The following AATF variants were observed in gnomAD, a reference collection of about 807,000 sequenced individuals.
The protein encoded by AATF is apoptosis antagonizing transcription factor.
In AATF, 48 loss-of-function variants were observed where a neutral mutation model predicts 63.7. The ratio of observed to expected loss-of-function variants is 0.75; its 90% CI spans 0.60 to 0.96. The LOEUF (loss-of-function observed/expected upper bound fraction) is 0.96. Among genes scored for constraint, AATF ranks in the 40% least tolerant of loss-of-function variants. The pLI, the probability that AATF is intolerant of heterozygous loss-of-function variation, is 0.00. For synonymous variants in AATF, 258 were observed against 247.7 expected, an observed-to-expected ratio of 1.04 and a Z score of -0.39; for missense variants, 639 against 685.7, an observed-to-expected ratio of 0.93 and a Z score of 0.76.
chr17:37,015,492 G>A (rs1274259421), intron 8 of AATF, among the ~76,000 whole-genome samples: 1 of 152,138 alleles, frequency 6.6e-6, no homozygotes, highest in African/African-American at 2.4e-5. Context: ...GGCAGAAGGT[G>A]GAAAGGCAAA....
chr17:36,968,257 TCTTTCCTTCTTTC>T (rs2071008568), intron 4 of AATF, among the ~76,000 whole-genome samples: 1 of 140,660 alleles, frequency 7.1e-6, no homozygotes, highest in African/African-American at 2.8e-5. Context: ...TCTTTTTCTT[TCTTTCCTTCTTTC>T]TTTTTTTTTT....
intron 10 of AATF, among the ~76,000 whole-genome samples, chr17:37,028,035 C>G (rs1324261945): frequency 6.6e-6 from 1 of 152,130 alleles, no homozygotes; most frequent in Non-Finnish European, 1.5e-5. Context: ...TATGCTCATA[C>G]ATTGACATAA....
chr17:37,003,069 A>G (rs564310934), intron 8 of AATF, among the ~76,000 whole-genome samples: 83 of 152,334 alleles, frequency 5.4e-4, no homozygotes, highest in African/African-American at 2.0e-3. Context: ...TCCAATAATC[A>G]AGACATTGTG....
intron 4 of AATF, among the ~76,000 whole-genome samples, chr17:36,977,615 A>C (rs1028893185): frequency 7.9e-5 from 12 of 152,118 alleles, no homozygotes; most frequent in African/African-American, 2.9e-4. Context: ...TAAAATTTTA[A>C]ATTGTAAAAG....
chr17:37,049,767 C>T (rs888432754), intron 11 of AATF, among the ~76,000 whole-genome samples: 2 of 152,028 alleles, frequency 1.3e-5, no homozygotes, highest in Admixed American at 6.6e-5. Flanking sequence ...TGTTTGGTGC[C>T]GTTAGCATGT....
chr17:37,018,908 G>A, intron 8 of AATF, 97 bp from the exon 9 acceptor site: 1 of 953,266 alleles, frequency 1.0e-6, no homozygotes, highest in South Asian at 1.3e-5. Flanking sequence ...TAGTTTTAGA[G>A]CTGTCACTAT....
At chr17:37,023,546 GAGGCATTCTTTTTAAACAGAGTTTAAA>G (rs2071488704) in intron 10 of AATF, among the ~76,000 whole-genome samples, 2 of 144,306 alleles carry the variant, frequency 1.4e-5, no homozygotes, top group African/African-American at 5.1e-5. Context: ...AGTTTAAAAA[GAGGCATTCTTTTTAAACAGAGTTTAAA>G]AAGAGGCATT....
chr17:36,989,484 C>G (rs1038326438), intron 7 of AATF, 73 bp downstream of exon 7: 1 of 1,428,470 alleles, frequency 7.0e-7, no homozygotes, highest in African/African-American at 1.4e-5. Flanking sequence ...AAACTTGTAG[C>G]TATTACCTGT....
At chr17:37,020,833 A>C (rs1383833229) in intron 9 of AATF, 101 bp from the exon 10 acceptor site, 6 of 920,646 alleles carry the variant, frequency 6.5e-6, no homozygotes, top group Non-Finnish European at 9.6e-6. Flanking sequence ...ATGTAGGTTG[A>C]TGATTTCTTT....
At chr17:37,007,892 T>C (rs1024567645) in intron 8 of AATF, among the ~76,000 whole-genome samples, 1 of 152,100 alleles carries the variant, frequency 6.6e-6, no homozygotes, top group African/African-American at 2.4e-5. Flanking sequence ...TCAAACAGAA[T>C]AAATGATAAA....
At chr17:37,015,078 G>A (rs1457905316) in intron 8 of AATF, among the ~76,000 whole-genome samples, 2 of 151,890 alleles carry the variant, frequency 1.3e-5, no homozygotes, top group Non-Finnish European at 2.9e-5. Context: ...CTATTTGTTT[G>A]GTTTGTGCAT....
intron 4 of AATF, among the ~76,000 whole-genome samples, chr17:36,982,734 G>A (rs1204711674): frequency 1.3e-5 from 2 of 152,108 alleles, no homozygotes; most frequent in East Asian, 3.8e-4. Context: ...ATTTTAAGTG[G>A]ACAGTTCATT....
At chr17:36,956,492 G>T (rs986823277) in intron 4 of AATF, among the ~76,000 whole-genome samples, 19 of 152,176 alleles carry the variant, frequency 1.2e-4, no homozygotes, top group African/African-American at 4.6e-4. Context: ...GGCCAATGTG[G>T]TGAAACCCCG....
intron 11 of AATF, among the ~76,000 whole-genome samples, chr17:37,040,173 G>A (rs1183744300): frequency 1.3e-5 from 2 of 152,116 alleles, no homozygotes; most frequent in African/African-American, 4.8e-5. Flanking sequence ...TAACTGGCAA[G>A]TTACTTGCAA....
chr17:37,012,499 G>A (rs1156339590), intron 8 of AATF, among the ~76,000 whole-genome samples: 1 of 152,224 alleles, frequency 6.6e-6, no homozygotes, highest in Non-Finnish European at 1.5e-5. Context: ...AATCCTTTGA[G>A]TCTGCTTTTG....
At chr17:37,018,039 A>C (rs2071440727) in intron 8 of AATF, among the ~76,000 whole-genome samples, 1 of 152,242 alleles carries the variant, frequency 6.6e-6, no homozygotes, top group Non-Finnish European at 1.5e-5. Context: ...GATTAGCAGA[A>C]CTAGTTTATC....
chr17:37,050,366 A>G (rs1163241559), intron 11 of AATF, among the ~76,000 whole-genome samples: 2 of 152,232 alleles, frequency 1.3e-5, no homozygotes, highest in African/African-American at 4.8e-5. Flanking sequence ...ATAAGCATTC[A>G]AATATTTTTA....
intron 4 of AATF, among the ~76,000 whole-genome samples, chr17:36,958,323 C>T (rs2070918819): frequency 1.3e-5 from 2 of 152,004 alleles, no homozygotes; most frequent in Non-Finnish European, 2.9e-5. Flanking sequence ...CCACCACACC[C>T]GGCTAATTTT....
At chr17:37,033,755 C>A (rs1375183104) in intron 11 of AATF, 1 of 145,640 alleles carries the variant, frequency 6.9e-6, no homozygotes, top group Non-Finnish European at 1.5e-5. Context: ...GGTGTTAGGG[C>A]CAACATCTCT....
Sources: gnomAD v4.1 joint callset for allele counts (sites outside exome capture counted in the v4.1 genomes callset) on GRCh38, gnomAD v4.1.1 for gene constraint, MANE v1.5 for transcripts, NCBI Gene and HGNC (gene_info 2026-07-23, HGNC 2026-07-21) for gene names.